Variants in CNTNAP5 observed in about 807,000 individuals in gnomAD.
The protein encoded by CNTNAP5 is contactin associated protein family member 5.
A neutral mutation model predicts 150.2 loss-of-function variants in CNTNAP5; 72 were observed. The ratio of observed to expected loss-of-function variants is 0.48; its 90% CI spans 0.40 to 0.58. The LOEUF is 0.58. Ranked by LOEUF, CNTNAP5 falls within the 20% of genes least tolerant of loss-of-function variation. CNTNAP5 has a pLI of 0.00. For synonymous variants in CNTNAP5, 672 were observed against 619.8 expected (o/e 1.08, Z -1.25); for missense variants, 1,636 against 1,626.2 (o/e 1.01, Z -0.10).
intron 1 of CNTNAP5, among the ~76,000 whole-genome samples, chr2:124,041,731 T>C (rs1681377393): frequency 6.6e-6 from 1 of 152,148 alleles, no homozygotes; most frequent in South Asian, 2.1e-4. Flanking sequence ...ACAACACACA[T>C]TGTATTATAT....
chr2:124,531,371 C>A (rs1002674630), intron 10 of CNTNAP5, among the ~76,000 whole-genome samples: 1 of 152,168 alleles, frequency 6.6e-6, no homozygotes, highest in South Asian at 2.1e-4. Flanking sequence ...TAAGAAGCCA[C>A]GGACCAGCAC....
intron 1 of CNTNAP5, among the ~76,000 whole-genome samples, chr2:124,145,997 A>G (rs2104625117): frequency 6.6e-6 from 1 of 152,126 alleles, no homozygotes; most frequent in Middle Eastern, 3.4e-3. Flanking sequence ...TTGTACAGCA[A>G]TTTTTATTTT....
intron 1 of CNTNAP5, among the ~76,000 whole-genome samples, chr2:124,118,557 T>C (rs12711668): frequency 0.97 from 147,665 of 152,266 alleles, 71,760 homozygotes; most frequent in East Asian, 1. Flanking sequence ...TCTGAGCTCT[T>C]GAGAGAACAT....
At chr2:124,057,889 C>T (rs563124045) in intron 1 of CNTNAP5, among the ~76,000 whole-genome samples, 8 of 152,142 alleles carry the variant, frequency 5.3e-5, no homozygotes, top group African/African-American at 1.9e-4. Context: ...CCCCATTCAC[C>T]CTGCTGGGAT....
At chr2:124,606,501 G>T (rs1002644866) in intron 11 of CNTNAP5, among the ~76,000 whole-genome samples, 2 of 151,932 alleles carry the variant, frequency 1.3e-5, no homozygotes, top group African/African-American at 2.4e-5. Context: ...TTATACCAAG[G>T]CTTGTGGTTT....
At chr2:124,676,869 T>C (rs1033195906) in intron 13 of CNTNAP5, among the ~76,000 whole-genome samples, 1 of 152,224 alleles carries the variant, frequency 6.6e-6, no homozygotes, top group African/African-American at 2.4e-5. Flanking sequence ...AGTTAATTTT[T>C]GACAATTTTG....
chr2:124,316,462 C>A (rs1688961430), intron 3 of CNTNAP5, among the ~76,000 whole-genome samples: 1 of 152,026 alleles, frequency 6.6e-6, no homozygotes, highest in Non-Finnish European at 1.5e-5. Context: ...ATGTATTATA[C>A]AAAATGTAAG....
chr2:124,830,260 T>C (rs1682685433), intron 19 of CNTNAP5, among the ~76,000 whole-genome samples: 1 of 152,006 alleles, frequency 6.6e-6, no homozygotes, highest in Admixed American at 6.6e-5. Flanking sequence ...TATTATAAAA[T>C]AATAATTATT....
chr2:124,180,237 T>C (rs1256708372), intron 1 of CNTNAP5, among the ~76,000 whole-genome samples: 1 of 152,170 alleles, frequency 6.6e-6, no homozygotes, highest in Non-Finnish European at 1.5e-5. Flanking sequence ...TTCCTGTAAA[T>C]AGTGAAGAAG....
chr2:124,184,066 A>G (rs1318287047), intron 1 of CNTNAP5, among the ~76,000 whole-genome samples: 1 of 152,174 alleles, frequency 6.6e-6, no homozygotes, highest in Non-Finnish European at 1.5e-5. Context: ...AGTTGCAACT[A>G]GTTGCTGGTA....
At chr2:124,197,081 C>G (rs953550043) in intron 1 of CNTNAP5, among the ~76,000 whole-genome samples, 2 of 152,154 alleles carry the variant, frequency 1.3e-5, no homozygotes, top group Non-Finnish European at 2.9e-5. Flanking sequence ...ATTCTACTAT[C>G]CTGTTTCAGA....
At chr2:124,904,040 T>C (rs1401711016) in intron 22 of CNTNAP5, among the ~76,000 whole-genome samples, 2 of 119,400 alleles carry the variant, frequency 1.7e-5, no homozygotes, top group Non-Finnish European at 3.2e-5. Context: ...GGGTATAGAG[T>C]GAGACTCTGT....
intron 3 of CNTNAP5, among the ~76,000 whole-genome samples, chr2:124,294,007 G>A (rs1461051683): frequency 6.6e-6 from 1 of 152,196 alleles, no homozygotes; most frequent in Non-Finnish European, 1.5e-5. Context: ...TTGAGGAACA[G>A]AGACCACTGT....
chr2:124,725,745 T>C (rs1379710156), intron 13 of CNTNAP5, among the ~76,000 whole-genome samples: 1 of 152,040 alleles, frequency 6.6e-6, no homozygotes, highest in Non-Finnish European at 1.5e-5. Context: ...CCCTGGAAAC[T>C]ACCATTCTAC....
Position 124,647,856 on chromosome 2 carries a change from G to A in CNTNAP5, c.1975G>A (p.Gly659Arg), listed in dbSNP as rs536738432. The stretch of plus-strand genomic sequence containing the variant: ...GCCCTATGCCATGGCCTTGGACTAC[G>A]GGGGCAGCATGGAACAGCTGGAGGC... ...EKPYAMALDY[G>R]GSMEQLEAVI... The change falls in exon 13 of 24, where the codon GGG becomes AGG. Residue 659 changes from glycine (G) to arginine (R), a missense_variant. Transcript: ENST00000682447. 6.2e-5 allele frequency: 100 copies of A among 1,613,354 alleles called. 1 individual carries two copies. The highest frequency in any genetic ancestry group is 2.7e-4 in the East Asian group (12 of 44,814).
At chr2:124,797,909 T>C (rs1681881159) in intron 18 of CNTNAP5, among the ~76,000 whole-genome samples, 187 bp from the exon 19 acceptor site, 1 of 152,160 alleles carries the variant, frequency 6.6e-6, no homozygotes, top group African/African-American at 2.4e-5. Flanking sequence ...AGCATTAAGT[T>C]TTTCATTTGT....
intron 13 of CNTNAP5, among the ~76,000 whole-genome samples, chr2:124,691,516 G>A (rs1051225031): frequency 1.3e-5 from 2 of 152,060 alleles, no homozygotes; most frequent in African/African-American, 4.8e-5. Flanking sequence ...ATTTCATTTA[G>A]GGATATCGTT....
chr2:124,348,887 A>ATCTATGTATAATTCTCTCTATATG (rs1277291206), intron 3 of CNTNAP5, among the ~76,000 whole-genome samples: 2 of 152,124 alleles, frequency 1.3e-5, no homozygotes, highest in Non-Finnish European at 2.9e-5. Flanking sequence ...CTTATCTATT[A>ATCTATGTATAATTCTCTCTATATG]TCTATGTATA....
At chr2:124,298,811 T>C (rs183742224) in intron 3 of CNTNAP5, among the ~76,000 whole-genome samples, 2 of 152,328 alleles carry the variant, frequency 1.3e-5, no homozygotes, top group East Asian at 3.9e-4. Flanking sequence ...TGGGCTTTTG[T>C]TACCTTCCAG....
Sources: allele counts gnomAD v4.1 joint callset (sites outside exome capture counted in the v4.1 genomes callset), GRCh38; gene constraint gnomAD v4.1.1; transcripts MANE v1.5; gene names NCBI Gene and HGNC (gene_info 2026-07-23, HGNC 2026-07-21).